Variants in NMNAT2 observed in about 807,000 individuals in gnomAD.
NMNAT2 encodes nicotinamide nucleotide adenylyltransferase 2.
In NMNAT2, 11 loss-of-function variants were observed where a neutral mutation model predicts 41.6. The ratio of observed to expected loss-of-function variants is 0.26; its 90% CI spans 0.17 to 0.44. The LOEUF (loss-of-function observed/expected upper bound fraction) is 0.44, where lower values mean the gene tolerates loss of function less well. NMNAT2 is among the 20% of genes least tolerant of loss of function. The pLI is 1.00. For synonymous variants in NMNAT2, 148 were observed against 151.2 expected (o/e 0.98, Z 0.16); for missense variants, 288 against 407.7 (o/e 0.71, Z 2.53).
intron 1 of NMNAT2, among the ~76,000 whole-genome samples, chr1:183,412,137 G>A (rs562383061): frequency 6.6e-6 from 1 of 152,370 alleles, no homozygotes; most frequent in South Asian, 2.1e-4. Context: ...GATTGACAGA[G>A]ATACGGAGCT....
intron 8 of NMNAT2, among the ~76,000 whole-genome samples, chr1:183,267,864 A>G (rs1045550915): frequency 7.9e-5 from 12 of 152,024 alleles, no homozygotes; most frequent in African/African-American, 2.9e-4. Flanking sequence ...ATGGTGGCCA[A>G]TGTGACCCCA....
chr1:183,369,594 G>T (rs1056116597), intron 1 of NMNAT2, among the ~76,000 whole-genome samples: 1 of 151,790 alleles, frequency 6.6e-6, no homozygotes. Flanking sequence ...TTTTTCAATT[G>T]TGGTAAATAT....
chr1:183,314,484 G>C (rs1226012114), intron 1 of NMNAT2, among the ~76,000 whole-genome samples: 1 of 152,118 alleles, frequency 6.6e-6, no homozygotes, highest in Non-Finnish European at 1.5e-5. Context: ...ATTCTTCTTT[G>C]CATCCCCAGC....
At chr1:183,292,012 C>T (rs971398115) in intron 3 of NMNAT2, among the ~76,000 whole-genome samples, 2 of 152,244 alleles carry the variant, frequency 1.3e-5, no homozygotes, top group Non-Finnish European at 2.9e-5. Flanking sequence ...CTGCATTCCT[C>T]ATTCTGAGGT....
chr1:183,279,932 G>C (rs901938776), intron 7 of NMNAT2, among the ~76,000 whole-genome samples: 1 of 152,246 alleles, frequency 6.6e-6, no homozygotes, highest in Non-Finnish European at 1.5e-5. Flanking sequence ...CTGGCATACA[G>C]TAGGTGCTCA....
intron 10 of NMNAT2, among the ~76,000 whole-genome samples, chr1:183,255,142 A>C (rs1660483547): frequency 6.6e-6 from 1 of 152,214 alleles, no homozygotes; most frequent in South Asian, 2.1e-4. Context: ...GTAGAAATCC[A>C]GTTTTTCCAG....
At chr1:183,265,414 G>A (rs1196481737) in intron 8 of NMNAT2, among the ~76,000 whole-genome samples, 1 of 151,750 alleles carries the variant, frequency 6.6e-6, no homozygotes, top group Admixed American at 6.6e-5. Flanking sequence ...TTACAGGCAT[G>A]CGCCACCATG....
At chr1:183,279,669 G>A (rs565086174) in intron 7 of NMNAT2, among the ~76,000 whole-genome samples, 18 of 152,278 alleles carry the variant, frequency 1.2e-4, no homozygotes, top group Middle Eastern at 3.4e-3. Context: ...CCCCTGCTGT[G>A]GAATGAGTCT....
At chr1:183,266,041 T>G (rs1173028174) in intron 8 of NMNAT2, among the ~76,000 whole-genome samples, 1 of 152,194 alleles carries the variant, frequency 6.6e-6, no homozygotes. Flanking sequence ...CAAATGCAGC[T>G]CTAGAAGCTG....
intron 1 of NMNAT2, among the ~76,000 whole-genome samples, chr1:183,389,733 CAAAAAAGAAAGAAAGA>C (rs1648381842): frequency 8.9e-6 from 1 of 112,702 alleles, no homozygotes; most frequent in Non-Finnish European, 1.8e-5. Context: ...AAGACCCTGT[CAAAAAAGAAAGAAAGA>C]AAGAAAGAAA....
At chr1:183,273,954 T>C (rs57755720) in intron 8 of NMNAT2, among the ~76,000 whole-genome samples, 145,258 of 150,044 alleles carry the variant, frequency 0.97, 70,506 homozygotes, top group East Asian at 1. Context: ...GTCTTGTCAC[T>C]CAGGCTAGAG....
intron 1 of NMNAT2, among the ~76,000 whole-genome samples, chr1:183,303,467 T>G (rs1447916321): frequency 6.6e-6 from 1 of 152,236 alleles, no homozygotes; most frequent in Non-Finnish European, 1.5e-5. Context: ...TTCAGAGTCA[T>G]TAAGCAGTTT....
chr1:183,263,815 AAAAC>A (rs141789621), intron 8 of NMNAT2, among the ~76,000 whole-genome samples: 146,613 of 151,790 alleles, frequency 0.97, 71,033 homozygotes, highest in East Asian at 1. Context: ...CTCAAAAACA[AAAAC>A]AAACAAACAA....
chr1:183,414,298 A>G (rs1300973715), intron 1 of NMNAT2, among the ~76,000 whole-genome samples: 2 of 152,240 alleles, frequency 1.3e-5, no homozygotes, highest in Admixed American at 1.3e-4. Context: ...AAAAATAGCT[A>G]GAAATATTTC....
At chr1:183,361,057 G>A (rs1225683803) in intron 1 of NMNAT2, among the ~76,000 whole-genome samples, 1 of 152,126 alleles carries the variant, frequency 6.6e-6, no homozygotes, top group African/African-American at 2.4e-5. Context: ...CTACCACACT[G>A]AGCATGTATG....
intron 1 of NMNAT2, among the ~76,000 whole-genome samples, chr1:183,303,466 A>G (rs1661916598): frequency 6.6e-6 from 1 of 152,248 alleles, no homozygotes; most frequent in East Asian, 1.9e-4. Context: ...GTTCAGAGTC[A>G]TTAAGCAGTT....
intron 1 of NMNAT2, among the ~76,000 whole-genome samples, chr1:183,416,000 C>T (rs1365575985): frequency 6.6e-6 from 1 of 152,210 alleles, no homozygotes; most frequent in Non-Finnish European, 1.5e-5. Context: ...CCCTGGTCCT[C>T]AGTTCTTATA....
rs774414584 is a variant in NMNAT2 at position 183,418,191 on chromosome 1, T to C, written c.77A>G (p.Gln26Arg). ...SFNPITKGHI[Q>R]MFERARDYLH... The stretch of plus-strand genomic sequence containing the variant: ...TGGGCGGGAGGACTCACCAAACATC[T>C]GAATGTGCCCTTTGGTGATGGGATT... Residue 26 changes from glutamine (Q) to arginine (R), a missense_variant, in exon 1 of 11, where the codon CAG becomes CGG. Physicochemically the swap from Gln to Arg is conservative, Grantham distance 43 (BLOSUM62 1). Transcript: ENST00000287713. 12 of 1,612,850 alleles carry C rather than the reference T, an allele frequency of 7.4e-6. No individual in the cohort carries two copies. Among genetic ancestry groups the C allele is most frequent in the Non-Finnish European group, 1.0e-5 (12 of 1,179,804 alleles).
At chr1:183,323,271 CA>C (rs1662390160) in intron 1 of NMNAT2, among the ~76,000 whole-genome samples, 1 of 152,178 alleles carries the variant, frequency 6.6e-6, no homozygotes, top group Admixed American at 6.5e-5. Context: ...AAATCTGCAC[CA>C]CCACTTCCTC....
Sources: gnomAD v4.1 joint callset for allele counts (sites outside exome capture counted in the v4.1 genomes callset) on GRCh38, gnomAD v4.1.1 for gene constraint, MANE v1.5 for transcripts, NCBI Gene and HGNC (gene_info 2026-07-23, HGNC 2026-07-21) for gene names.